Variants in HIPK2 observed in about 807,000 individuals in gnomAD.
HIPK2 encodes the protein homeodomain-interacting protein kinase 2.
A neutral mutation model predicts 113.7 loss-of-function variants in HIPK2; 27 were observed. The ratio of observed to expected loss-of-function variants is 0.24; its 90% CI spans 0.17 to 0.33. The LOEUF (loss-of-function observed/expected upper bound fraction) is 0.33. HIPK2 is among the 10% of genes least tolerant of loss of function. The pLI is 1.00. For synonymous variants in HIPK2, 631 were observed against 642.2 expected (o/e 0.98, Z 0.26); for missense variants, 1,257 against 1,588.0 (o/e 0.79, Z 3.54).
intron 2 of HIPK2, among the ~76,000 whole-genome samples, chr7:139,660,739 G>C (rs1801839345): frequency 6.6e-6 from 1 of 152,182 alleles, no homozygotes; most frequent in Non-Finnish European, 1.5e-5. Flanking sequence ...CTCTCACAGA[G>C]GGCTAGCCAG....
chr7:139,594,954 G>A (rs1799149799), intron 12 of HIPK2, among the ~76,000 whole-genome samples: 1 of 152,096 alleles, frequency 6.6e-6, no homozygotes, highest in Admixed American at 6.5e-5. Context: ...GGGGCCTTAG[G>A]GGCTGCCGCA....
intron 2 of HIPK2, among the ~76,000 whole-genome samples, chr7:139,695,985 T>G (rs1452828623): frequency 6.6e-6 from 1 of 152,136 alleles, no homozygotes; most frequent in Non-Finnish European, 1.5e-5. Context: ...TATTAACAAA[T>G]CAGGATTTGA....
intron 2 of HIPK2, among the ~76,000 whole-genome samples, chr7:139,646,989 A>G (rs952525851): frequency 2.0e-5 from 3 of 152,080 alleles, no homozygotes; most frequent in African/African-American, 7.2e-5. Context: ...AAGCCTTTGA[A>G]GCTTTCTACT....
rs769544037 is a variant in HIPK2 at position 139,564,071 on chromosome 7, C to T, written c.*8856G>A. 16 of 397,664 alleles carry T rather than the reference C, an allele frequency of 4.0e-5. No homozygotes were observed. Among genetic ancestry groups the T allele is most frequent in the Non-Finnish European group, 6.6e-5 (15 of 226,024 alleles). 24.6% of individuals were successfully genotyped at this position (397,664 alleles called of 1,614,324 possible). A position where few individuals can be genotyped will look rare whatever the true frequency, so the allele number is the denominator to read the frequency against. ...CTGAGCTGCCCCTCTGTCTCTGCCT[C>T]CTCCTGCTCAGCCCTGACCATCTCT... On this transcript the variant is annotated 3_prime_UTR_variant, in exon 15 of 15. Transcript: ENST00000406875.
At chr7:139,707,837 C>T (rs889591662) in intron 2 of HIPK2, among the ~76,000 whole-genome samples, 1 of 152,192 alleles carries the variant, frequency 6.6e-6, no homozygotes, top group Admixed American at 6.5e-5. Flanking sequence ...CATCGTAAGT[C>T]ATGCAGGAAG....
At chr7:139,684,426 C>T (rs887728146) in intron 2 of HIPK2, among the ~76,000 whole-genome samples, 6 of 152,136 alleles carry the variant, frequency 3.9e-5, no homozygotes, top group Non-Finnish European at 8.8e-5. Flanking sequence ...ATGTCAAAAG[C>T]TGACACAGGG....
chr7:139,691,936 G>A (rs181413343), intron 2 of HIPK2, among the ~76,000 whole-genome samples: 510 of 152,242 alleles, frequency 3.3e-3, no homozygotes, highest in Non-Finnish European at 5.1e-3. Context: ...AGAAATATAC[G>A]TGGTATACTT....
rs1209677496 is a variant in HIPK2, at chr7:139,714,234, T to C, written c.1103+1698A>G. ...CAGAGAAGAGGCTCGCAGAGAGCTG[T>C]TCTAACTCAGGAAATGCCTCCTAAA... On this transcript the variant is annotated intron_variant, in intron 2 of 14. Transcript: ENST00000406875. This position sits in a 1 kb window ranked among gnomAD's most constrained non-coding sequence, Gnocchi z 4.2. Among the ~76,000 whole-genome samples, 5 of 152,154 alleles carry C rather than the reference T, an allele frequency of 3.3e-5. No individual in the cohort carries two copies. The highest frequency in any genetic ancestry group is 2.0e-4 in the Admixed American group (3 of 15,284).
At chr7:139,732,686 A>G (rs560227582) in intron 1 of HIPK2, among the ~76,000 whole-genome samples, 5 of 151,808 alleles carry the variant, frequency 3.3e-5, no homozygotes, top group Admixed American at 1.3e-4. Context: ...CCTCATCTCT[A>G]AAGTGGAGAC....
intron 14 of HIPK2, 67 bp downstream of exon 14, chr7:139,575,061 T>G: frequency 6.6e-7 from 1 of 1,508,342 alleles, no homozygotes; most frequent in South Asian, 1.3e-5. Flanking sequence ...ACAGCAATCC[T>G]CTCTGAAGCG....
rs542526225 is a variant in HIPK2 at position 139,626,921 on chromosome 7, T to C, written c.1435-136A>G. On this transcript the variant is annotated intron_variant, in intron 5 of 14. Transcript: ENST00000406875. ...TCTCAGTTCCCAGGAACTCTGCCCC[T>C]ATGGGAGGCACCACCCACATGTTGT... 8.7e-6 allele frequency: 8 copies of C among 921,728 alleles called. No homozygotes were observed. The South Asian group carries it at 1.1e-4, about 13-fold the overall frequency. The allele number at this position is 921,728 out of a possible 1,614,324, so 57.1% of individuals were successfully genotyped here.
At chr7:139,711,743 C>CA (rs138694487) in intron 2 of HIPK2, among the ~76,000 whole-genome samples, 2,501 of 142,388 alleles carry the variant, frequency 0.018, 66 homozygotes, top group African/African-American at 0.058. Context: ...ATTGCTTGCT[C>CA]AAAAAAAAAA....
intron 1 of HIPK2, among the ~76,000 whole-genome samples, chr7:139,776,900 T>C (rs1362427142): frequency 2.6e-5 from 4 of 152,126 alleles, no homozygotes; most frequent in African/African-American, 7.2e-5. Context: ...GGCAGTCAAA[T>C]GGGGAAAAAT....
rs749985664 is a variant in HIPK2, at chr7:139,573,181, C to G, written c.3343G>C (p.Gly1115Arg). The G allele has an allele frequency of 5.2e-6, 8 of 1,534,486 alleles. No homozygotes were observed. The South Asian group carries it at 5.6e-5, about 11-fold the overall frequency. ...GAGGCCACCAGGTGGGCCACGGTGC[C>G]GGTGGAGCCCAGGGCCGCCGGCGCA... ...YTAPAALGST[G>R]TVAHLVASQG... The change falls in exon 15 of 15, where the codon GGC becomes CGC. Residue 1115 changes from glycine (G) to arginine (R), a missense_variant. Physicochemically the swap from Gly to Arg is moderately radical, Grantham distance 125 (BLOSUM62 -2). This residue lies in a region of HIPK2 where 862 missense variants were observed against 1,004.3 expected (regional missense o/e 0.86). Coordinates refer to ENST00000406875, the MANE Select transcript of HIPK2 (RefSeq NM_022740.5).
At chr7:139,729,825 T>TA (rs1216542519) in intron 1 of HIPK2, among the ~76,000 whole-genome samples, 1 of 152,198 alleles carries the variant, frequency 6.6e-6, no homozygotes, top group Non-Finnish European at 1.5e-5. Context: ...TAAGGACGGT[T>TA]AAAGTTTCAG....
At chr7:139,623,517 CA>C (rs771370297) in intron 6 of HIPK2, among the ~76,000 whole-genome samples, 1,735 of 74,074 alleles carry the variant, frequency 0.023, 24 homozygotes, top group African/African-American at 0.056. Context: ...GACTCTACTT[CA>C]AAAAAAAAAA....
At chr7:139,775,842 C>T (rs1315430770) in intron 1 of HIPK2, among the ~76,000 whole-genome samples, 2 of 152,108 alleles carry the variant, frequency 1.3e-5, no homozygotes, top group Non-Finnish European at 2.9e-5. Context: ...GTGCAGTTCC[C>T]AAGATGGCTT....
At position 139,640,356 on chromosome 7, in the gene HIPK2, T is replaced by C. The variant is rs1800967745; in HGVS notation, c.1104-8631A>G. ...ATTCCCAGATCATGTCCAGATCATA[T>C]GACCCTGCAGGGGAATGGCCTCCAG... On this transcript the variant is annotated intron_variant, in intron 2 of 14. Transcript: ENST00000406875. Among the ~76,000 whole-genome samples the C allele has an allele frequency of 2.0e-5, 3 of 152,228 alleles. No homozygotes were observed. In the South Asian group the frequency reaches 6.2e-4, roughly 32 times the overall value.
chr7:139,675,114 C>A (rs548461504), intron 2 of HIPK2, among the ~76,000 whole-genome samples: 13 of 152,292 alleles, frequency 8.5e-5, no homozygotes, highest in Non-Finnish European at 1.6e-4. Flanking sequence ...GTGCATCAGA[C>A]CAACAGAAGC....
Sources: allele counts gnomAD v4.1 joint callset (sites outside exome capture counted in the v4.1 genomes callset), GRCh38; gene constraint gnomAD v4.1.1; regional missense constraint gnomAD v4.1.1; non-coding constraint Gnocchi (gnomAD v3.1); transcripts MANE v1.5; gene names NCBI Gene and HGNC (gene_info 2026-07-23, HGNC 2026-07-21).